UHMK1: variants seen among roughly 807,000 people sequenced by gnomAD.
UHMK1 encodes the protein U2AF homology motif kinase 1.
A neutral mutation model predicts 44.0 loss-of-function variants in UHMK1; 18 were observed. That is an observed-to-expected ratio of 0.41 (90% confidence interval 0.28 to 0.61). The LOEUF is 0.61. Among genes scored for constraint, UHMK1 ranks in the 20% least tolerant of loss-of-function variants. UHMK1 has a pLI of 0.31. For missense variants in UHMK1, 463 were observed against 522.5 expected, an observed-to-expected ratio of 0.89 and a Z score of 1.11; for synonymous variants, 231 against 198.5, an observed-to-expected ratio of 1.16 and a Z score of -1.38.
At chr1:162,513,470 G>A (rs1408014746) in intron 6 of UHMK1, among the ~76,000 whole-genome samples, 3 of 152,080 alleles carry the variant, frequency 2.0e-5, no homozygotes, top group Admixed American at 6.6e-5. Context: ...ATTACTTCCC[G>A]TCTTTAGTAT....
chr1:162,509,456 C>G, intron 4 of UHMK1, among the ~76,000 whole-genome samples: 1 of 152,128 alleles, frequency 6.6e-6, no homozygotes, highest in East Asian at 1.9e-4. Flanking sequence ...ATGTATAACC[C>G]CTTATAGTTT....
At position 162,499,976 on chromosome 1, in the gene UHMK1, C is replaced by T; in HGVS notation, c.290C>T (p.Thr97Ile). 1 of 1,614,146 alleles carries T rather than the reference C, an allele frequency of 6.2e-7. No homozygotes were observed. The highest frequency in any genetic ancestry group is 8.5e-7 in the Non-Finnish European group (1 of 1,180,026). Residue 97 changes from threonine (T) to isoleucine (I), a missense_variant, in exon 2 of 8, where the codon ACA (threonine) becomes ATA (isoleucine). Transcript: ENST00000489294. ...CTAGTGACTTTGTATGGAGTGTTTA[C>T]AATCCACTTTTCTCCAAATGTGCCA... ...RNIVTLYGVF[T>I]IHFSPNVPSR...
chr1:162,512,682 TG>T (rs759521577), intron 5 of UHMK1, 42 bp from the exon 6 acceptor site: 9 of 1,609,598 alleles, frequency 5.6e-6, no homozygotes, highest in Admixed American at 3.4e-5. Context: ...TCAACTTATT[TG>T]GGGGGATTTA....
rs776940189 is a variant in UHMK1, at chr1:162,500,583, C to T, written c.562-330C>T. 157 of 393,558 alleles carry T rather than the reference C, an allele frequency of 4.0e-4. 1 individual carries two copies. The highest frequency in any genetic ancestry group is 5.2e-4 in the Non-Finnish European group (115 of 220,056). 24.4% of individuals were successfully genotyped at this position (393,558 alleles called of 1,614,324 possible). A position where few individuals can be genotyped will look rare whatever the true frequency, so the allele number is the denominator to read the frequency against. ...TCTCTTCAGTGTTGGGGCTGTATCT[C>T]GTGGCAGAATGCATATGATAGTTCT... is the stretch of plus-strand genomic sequence containing the variant. On this transcript the variant is annotated intron_variant, in intron 2 of 7. Transcript: ENST00000489294.
intron 7 of UHMK1, among the ~76,000 whole-genome samples, chr1:162,518,764 G>A (rs1198695687): frequency 1.3e-5 from 2 of 151,962 alleles, no homozygotes; most frequent in African/African-American, 2.4e-5. Flanking sequence ...CGAGGCAGGC[G>A]GATCACGAGA....
chr1:162,516,662 T>C (rs1343500649), intron 6 of UHMK1, among the ~76,000 whole-genome samples: 1 of 152,030 alleles, frequency 6.6e-6, no homozygotes, highest in African/African-American at 2.4e-5. Flanking sequence ...CAAAGGATAG[T>C]TTAAAGAAAA....
intron 7 of UHMK1, 32 bp downstream of exon 7, chr1:162,518,222 T>A (rs747511222): frequency 3.4e-6 from 5 of 1,462,986 alleles, no homozygotes; most frequent in Non-Finnish European, 4.8e-6. Context: ...TGCAGATTAC[T>A]CAGAGGTTAT....
Position 162,512,266 on chromosome 1 carries a change from C to A in UHMK1, c.849-234C>A, listed in dbSNP as rs138938775. On this transcript the variant is annotated intron_variant, in intron 4 of 7. Transcript: ENST00000489294. ...GAGTGTGGATCACTTTGCAGTGTTTCATTTATTAATCAAAAGTGTTATTTT... is the reference window on the plus strand; with the variant it reads ...GAGTGTGGATCACTTTGCAGTGTTTAATTTATTAATCAAAAGTGTTATTTT... Among the ~76,000 whole-genome samples, 87 of 150,948 alleles carry A rather than the reference C, an allele frequency of 5.8e-4. 1 individual carries two copies. Among genetic ancestry groups the A allele is most frequent in the African/African-American group, 2.0e-3 (82 of 41,046 alleles).
At chr1:162,507,581 CT>C (rs548617627) in intron 4 of UHMK1, among the ~76,000 whole-genome samples, 19 of 133,208 alleles carry the variant, frequency 1.4e-4, no homozygotes, top group Non-Finnish European at 1.4e-4. Flanking sequence ...CCCATTCTTT[CT>C]TTTTTTTTTT....
At chr1:162,517,115 G>A (rs1240245167) in intron 6 of UHMK1, among the ~76,000 whole-genome samples, 4 of 152,082 alleles carry the variant, frequency 2.6e-5, no homozygotes, top group South Asian at 2.1e-4. Flanking sequence ...CCTGACCAAC[G>A]TGGTGAAACC....
At chr1:162,505,974 G>A (rs937384310) in intron 4 of UHMK1, among the ~76,000 whole-genome samples, 3 of 152,150 alleles carry the variant, frequency 2.0e-5, no homozygotes, top group African/African-American at 7.2e-5. Flanking sequence ...ATCAAAACCA[G>A]TAAATTGAAA....
rs778289095 is a variant in UHMK1, at chr1:162,518,221, C to T, written c.1113+31C>T. The T allele has an allele frequency of 6.1e-6, 9 of 1,470,044 alleles. No homozygotes were observed. In the African/African-American group the frequency reaches 7.0e-5, roughly 11 times the overall value. 91.1% of individuals were successfully genotyped at this position (1,470,044 alleles called of 1,614,324 possible). A position where few individuals can be genotyped will look rare whatever the true frequency, so the allele number is the denominator to read the frequency against. ...TGAATATTTTCATAATTGCAGATTA[C>T]TCAGAGGTTATTAAAATTCTGTGTT... On this transcript the variant is annotated intron_variant, in intron 7 of 7. Transcript: ENST00000489294.
rs1186220444 is a variant in UHMK1, at chr1:162,512,826, T to G, written c.1024+3T>G. 1 of 1,612,128 alleles carries G rather than the reference T, an allele frequency of 6.2e-7. No individual in the cohort carries two copies. Among genetic ancestry groups the G allele is most frequent in the Non-Finnish European group, 8.5e-7 (1 of 1,178,318 alleles). On this transcript the variant is annotated splice_donor_region_variant and intron_variant, in intron 6 of 7. Transcript: ENST00000489294. ...TGAGAATGAAGAGGAATATGAAGGT[T>G]AGTGTTTTCTAAATTATATTTTAAT...
intron 4 of UHMK1, among the ~76,000 whole-genome samples, chr1:162,509,630 C>T (rs956457510): frequency 6.6e-6 from 1 of 152,072 alleles, no homozygotes; most frequent in Non-Finnish European, 1.5e-5. Flanking sequence ...TAGTTTGGCA[C>T]TATAGGTTTT....
Position 162,522,525 on chromosome 1 carries a change from GA to G in UHMK1, c.1236del (p.Tyr413IlefsTer10). The G allele has an allele frequency of 6.2e-7, 1 of 1,614,132 alleles. No homozygotes were observed. The highest frequency in any genetic ancestry group is 8.5e-7 in the Non-Finnish European group (1 of 1,180,012). On this transcript the variant is annotated frameshift_variant, in exon 8 of 8. Coordinates refer to ENST00000489294, the MANE Select transcript of UHMK1 (RefSeq NM_175866.5). LOFTEE classifies it high-confidence loss of function. The stretch of plus-strand genomic sequence containing the variant: ...TACCCGCTGAGTGCCTACAAGAGGG[GA>G]TATCTGTATCAAACCTTGCTTTAAT... ...TFYPLSAYKRGYLYQTLL is the reference protein window; with the variant it reads ...TFYPLSAYKRXYLYQTLL
At chr1:162,511,022 T>C (rs917199499) in intron 4 of UHMK1, among the ~76,000 whole-genome samples, 3 of 152,088 alleles carry the variant, frequency 2.0e-5, no homozygotes, top group African/African-American at 7.2e-5. Context: ...GTTTTGGTTT[T>C]TCATTTTCCT....
At position 162,526,604 on chromosome 1, in the gene UHMK1, T is replaced by A. The variant is rs1652260126; in HGVS notation, c.*4054T>A. 1 of 152,138 alleles carries A rather than the reference T, an allele frequency of 6.6e-6. No homozygotes were observed. The highest frequency in any genetic ancestry group is 1.5e-5 in the Non-Finnish European group (1 of 67,978). The allele number at this position is 152,138 out of a possible 1,614,324, so 9.4% of individuals were successfully genotyped here. On this transcript the variant is annotated 3_prime_UTR_variant, in exon 8 of 8. Coordinates refer to ENST00000489294, the MANE Select transcript of UHMK1 (RefSeq NM_175866.5). ...TTCTGCCTTTTTCCTGGAGTAACTT[T>A]TAGATTGAGTCACATATGATAGTAT...
At chr1:162,497,559 C>A (rs553803665), upstream of UHMK1, among the ~76,000 whole-genome samples, 188 of 151,938 alleles carry the variant, frequency 1.2e-3, 1 homozygote, top group Non-Finnish European at 2.0e-3. Context: ...AAATGTAGGC[C>A]GGGTTTTATT....
At chr1:162,499,003 C>T (rs1361116440) in intron 1 of UHMK1, among the ~76,000 whole-genome samples, 9 of 152,100 alleles carry the variant, frequency 5.9e-5, no homozygotes, top group Non-Finnish European at 1.3e-4. Flanking sequence ...AGAATTAACA[C>T]TAGTGCTACA....
Sources: allele counts gnomAD v4.1 joint callset (sites outside exome capture counted in the v4.1 genomes callset), GRCh38; gene constraint gnomAD v4.1.1; transcripts MANE v1.5; gene names NCBI Gene and HGNC (gene_info 2026-07-23, HGNC 2026-07-21).